The following ARHGEF7 variants were observed in gnomAD, a reference collection of about 807,000 sequenced individuals.
ARHGEF7 encodes the protein PAK-interacting exchange factor beta.
Under a neutral mutation model 109.8 loss-of-function variants are expected in ARHGEF7, and 33 were observed. That is an observed-to-expected ratio of 0.30 (90% CI 0.23 to 0.40). The LOEUF is 0.40. Among genes scored for constraint, ARHGEF7 ranks in the 10% least tolerant of loss-of-function variants. The pLI, the probability that ARHGEF7 is intolerant of heterozygous loss-of-function variation, is 1.00. For synonymous variants in ARHGEF7, 458 were observed against 424.6 expected, an observed-to-expected ratio of 1.08 and a Z score of -0.97; for missense variants, 938 against 1,098.5, an observed-to-expected ratio of 0.85 and a Z score of 2.07.
intron 2 of ARHGEF7, among the ~76,000 whole-genome samples, chr13:111,203,741 C>T (rs1387182611): frequency 2.6e-5 from 4 of 152,190 alleles, no homozygotes; most frequent in Non-Finnish European, 5.9e-5. Flanking sequence ...CATCTCATGA[C>T]TATTTTTACT....
At chr13:111,271,166 G>T (rs1302935617) in intron 9 of ARHGEF7, among the ~76,000 whole-genome samples, 1 of 152,206 alleles carries the variant, frequency 6.6e-6, no homozygotes. Context: ...GTCTGTGAGT[G>T]CCTGCCCTGG....
chr13:111,224,918 C>T (rs1033085768), intron 5 of ARHGEF7, among the ~76,000 whole-genome samples: 6 of 152,084 alleles, frequency 3.9e-5, no homozygotes, highest in Non-Finnish European at 8.8e-5. Context: ...CCTCTCAGCA[C>T]TATTGTTTCA....
chr13:111,165,419 G>T (rs994585055), intron 2 of ARHGEF7, among the ~76,000 whole-genome samples: 1 of 152,212 alleles, frequency 6.6e-6, no homozygotes, highest in East Asian at 1.9e-4. Context: ...TCCGCTGGTT[G>T]TTCAGCAAGT....
intron 13 of ARHGEF7, 112 bp from the exon 14 acceptor site, chr13:111,280,156 CACAA>C (rs1452576404): frequency 1.2e-5 from 13 of 1,115,168 alleles, no homozygotes; most frequent in Non-Finnish European, 1.5e-5. Context: ...TTTTTTGGTT[CACAA>C]ACACAGTTCC....
At chr13:111,160,368 G>T (rs554753147) in intron 2 of ARHGEF7, among the ~76,000 whole-genome samples, 9 of 151,968 alleles carry the variant, frequency 5.9e-5, no homozygotes, top group Non-Finnish European at 1.3e-4. Flanking sequence ...TGAATTTCAG[G>T]ATTGTTTTTC....
intron 2 of ARHGEF7, among the ~76,000 whole-genome samples, chr13:111,161,582 G>A (rs1462459424): frequency 5.9e-5 from 9 of 152,138 alleles, no homozygotes; most frequent in Non-Finnish European, 5.9e-5. Flanking sequence ...TTATTCTTTC[G>A]TGTAGTTGGA....
intron 9 of ARHGEF7, among the ~76,000 whole-genome samples, chr13:111,269,611 G>A (rs1249215618): frequency 6.6e-6 from 1 of 152,136 alleles, no homozygotes; most frequent in East Asian, 1.9e-4. Flanking sequence ...TGGAGGGGCA[G>A]GCTGAGGCCC....
intron 5 of ARHGEF7, among the ~76,000 whole-genome samples, chr13:111,227,677 C>A (rs769532740): frequency 6.6e-6 from 1 of 152,184 alleles, no homozygotes; most frequent in Non-Finnish European, 1.5e-5. Flanking sequence ...TCCCTGTGTA[C>A]CCCGTTTGAC....
At chr13:111,229,841 T>C (rs976755196) in intron 5 of ARHGEF7, among the ~76,000 whole-genome samples, 2 of 152,198 alleles carry the variant, frequency 1.3e-5, no homozygotes, top group African/African-American at 4.8e-5. Context: ...AGGTGCGGGC[T>C]CTGGGTTTTG....
At position 111,153,953 on chromosome 13, in the gene ARHGEF7, G is replaced by C. The variant is rs534271738; in HGVS notation, c.214G>C (p.Glu72Gln). ...GAGCGAGTGCCTGAGCAACATCCGC[G>C]AGTTCCTGCGCGGCTGCGGGGCTTC... ...SESECLSNIREFLRGCGASLR... is the reference protein window; with the variant it reads ...SESECLSNIRQFLRGCGASLR... Residue 72 changes from glutamate (E) to glutamine (Q), a missense_variant, in exon 2 of 22, where the codon GAG (glutamate) becomes CAG (glutamine). This residue lies in a region of ARHGEF7 where 165 missense variants were observed against 125.8 expected (regional missense o/e 1.31). Coordinates refer to ENST00000646102, the MANE Select transcript of ARHGEF7 (RefSeq NM_001354046.2). The C allele has an allele frequency of 6.2e-7, 1 of 1,604,812 alleles. No homozygotes were observed. The highest frequency in any genetic ancestry group is 1.4e-5 in the African/African-American group (1 of 73,366).
chr13:111,161,209 G>A (rs1415208220), intron 2 of ARHGEF7, among the ~76,000 whole-genome samples: 1 of 152,202 alleles, frequency 6.6e-6, no homozygotes, highest in Non-Finnish European at 1.5e-5. Context: ...CTTGTGGCAT[G>A]GGTGCTAAAT....
At chr13:111,215,992 A>G (rs1045211172) in intron 4 of ARHGEF7, among the ~76,000 whole-genome samples, 2 of 152,072 alleles carry the variant, frequency 1.3e-5, no homozygotes, top group African/African-American at 2.4e-5. Context: ...GAGATCTTGT[A>G]TATCTGCAGG....
intron 5 of ARHGEF7, among the ~76,000 whole-genome samples, chr13:111,219,173 A>T (rs1184632149): frequency 2.0e-5 from 3 of 152,058 alleles, no homozygotes; most frequent in African/African-American, 7.2e-5. Flanking sequence ...AACAGTCCCC[A>T]TTCCCCTCCC....
intron 19 of ARHGEF7, among the ~76,000 whole-genome samples, chr13:111,298,493 G>C (rs940406858): frequency 7.9e-5 from 12 of 152,116 alleles, no homozygotes; most frequent in Admixed American, 7.9e-4. Context: ...GTCCTCTCCC[G>C]TGGCCTCTTG....
At chr13:111,262,398 C>CTG (rs142880317) in intron 8 of ARHGEF7, among the ~76,000 whole-genome samples, 2,073 of 151,422 alleles carry the variant, frequency 0.014, 36 homozygotes, top group African/African-American at 0.046. Context: ...CCCCGTGTCC[C>CTG]TGTGTGTGTG....
At chr13:111,247,915 C>T (rs1028675104) in intron 8 of ARHGEF7, among the ~76,000 whole-genome samples, 4 of 152,198 alleles carry the variant, frequency 2.6e-5, no homozygotes, top group African/African-American at 7.2e-5. Context: ...CTTGGGGCCT[C>T]GACCTGGCCC....
At chr13:111,115,131 C>G (rs1394068817), upstream of ARHGEF7, 1 of 149,250 alleles carries the variant, frequency 6.7e-6, no homozygotes, top group Non-Finnish European at 1.5e-5. Context: ...TCCCCTTTCC[C>G]TTCCCCGCCC....
At chr13:111,213,704 A>G (rs1238377493) in intron 4 of ARHGEF7, among the ~76,000 whole-genome samples, 1 of 152,192 alleles carries the variant, frequency 6.6e-6, no homozygotes, top group Non-Finnish European at 1.5e-5. Flanking sequence ...AACAAGCTAC[A>G]GTTTCAGGAG....
chr13:111,207,308 GC>G (rs1566821977), intron 3 of ARHGEF7, among the ~76,000 whole-genome samples: 1 of 152,184 alleles, frequency 6.6e-6, no homozygotes, highest in African/African-American at 2.4e-5. Flanking sequence ...AGCTGGGTCT[GC>G]AGGTGTGTGC....
Sources: allele counts gnomAD v4.1 joint callset (sites outside exome capture counted in the v4.1 genomes callset), GRCh38; gene constraint gnomAD v4.1.1; regional missense constraint gnomAD v4.1.1; transcripts MANE v1.5; gene names NCBI Gene and HGNC (gene_info 2026-07-23, HGNC 2026-07-21).